The following CPZ variants were observed in gnomAD, a reference collection of about 807,000 sequenced individuals.
CPZ encodes the protein VEZT/CPZ fusion.
Under a neutral mutation model 61.8 loss-of-function variants are expected in CPZ, and 103 were observed. The observed-to-expected ratio is 1.67, with a 90% CI of 1.42 to 1.96. The LOEUF (loss-of-function observed/expected upper bound fraction) is 1.96, where lower values mean the gene tolerates loss of function less well. Among genes scored for constraint, CPZ ranks in the 30% most tolerant of loss-of-function variants. The pLI, the probability that CPZ is intolerant of heterozygous loss-of-function variation, is 0.00. For synonymous variants in CPZ, 551 were observed against 373.7 expected, an observed-to-expected ratio of 1.47 and a Z score of -5.47; for missense variants, 1,461 against 914.9, an observed-to-expected ratio of 1.60 and a Z score of -7.70.
chr4:8,611,275 T>C, intron 7 of CPZ: 1 of 456,228 alleles, frequency 2.2e-6, no homozygotes, highest in Non-Finnish European at 4.4e-6. Flanking sequence ...CCAAGGTCAG[T>C]CTGGGACTTA....
At chr4:8,611,257 G>A (rs1346268291) in intron 7 of CPZ, 1 of 456,174 alleles carries the variant, frequency 2.2e-6, no homozygotes, top group East Asian at 6.9e-5. Flanking sequence ...CCCACCAGGA[G>A]CCTCTGCCCA....
intron 9 of CPZ, among the ~76,000 whole-genome samples, chr4:8,615,021 G>T (rs116134479): frequency 6.6e-6 from 1 of 152,088 alleles, no homozygotes; most frequent in Non-Finnish European, 1.5e-5. Flanking sequence ...TGTGCTCCAG[G>T]AGGCGCAGAA....
chr4:8,615,817 C>T (rs1464640873), intron 9 of CPZ, among the ~76,000 whole-genome samples: 2 of 152,190 alleles, frequency 1.3e-5, no homozygotes, highest in Non-Finnish European at 2.9e-5. Context: ...AACCTTCCTC[C>T]AAGTAAGAAT....
rs759121729 is a variant in CPZ, at chr4:8,604,086, C to T, written c.607C>T (p.Arg203Cys). 42 of 1,609,268 alleles carry T rather than the reference C, an allele frequency of 2.6e-5. No homozygotes were observed. Among genetic ancestry groups the T allele is most frequent in the Admixed American group, 6.7e-5 (4 of 59,800 alleles). The change falls in exon 4 of 11, where the codon CGC becomes TGC. Residue 203 changes from arginine to cysteine, a missense_variant. Arg to Cys is a radical substitution (Grantham distance 180). Transcript: ENST00000360986. ...MVRVLRRTAS[R>C]CAHVARTYSI... is the part of the protein sequence containing the mutation. ...GCGTGTGCTGAGGCGGACGGCCTCC[C>T]GCTGCGCCCACGTGGCCAGGACCTA...
intron 2 of CPZ, among the ~76,000 whole-genome samples, chr4:8,600,350 C>CAAAA (rs895182182): frequency 6.6e-6 from 1 of 152,262 alleles, no homozygotes; most frequent in African/African-American, 2.4e-5. Context: ...TGAGACGTGG[C>CAAAA]AAAATGTCAT....
intron 9 of CPZ, among the ~76,000 whole-genome samples, chr4:8,616,740 C>T (rs546825241): frequency 6.6e-6 from 1 of 152,230 alleles, no homozygotes; most frequent in African/African-American, 2.4e-5. Context: ...AGTTTCTCTT[C>T]ATCACCTCTC....
In CPZ at chr4:8,600,986, C is replaced by G. The variant is rs908087906; in HGVS notation, c.122-137C>G. On this transcript the variant is annotated intron_variant, in intron 2 of 10. Coordinates refer to ENST00000360986, the MANE Select transcript of CPZ (RefSeq NM_001014447.3). ...TGATTCCTGCACAGTAGCTGTTGTCCTGGTCCTCCCCTGCCAGACCGTGGG... is the reference window on the plus strand; with the variant it reads ...TGATTCCTGCACAGTAGCTGTTGTCGTGGTCCTCCCCTGCCAGACCGTGGG... 2.7e-5 allele frequency: 38 copies of G among 1,415,676 alleles called. No individual in the cohort carries two copies. The African/African-American group carries it at 4.6e-4, about 17-fold the overall frequency. 87.7% of individuals were successfully genotyped at this position (1,415,676 alleles called of 1,614,324 possible). A position where few individuals can be genotyped will look rare whatever the true frequency, so the allele number is the denominator to read the frequency against.
intron 1 of CPZ, among the ~76,000 whole-genome samples, chr4:8,596,026 GCC>G (rs1714149552): frequency 1.6e-5 from 1 of 62,478 alleles, no homozygotes; most frequent in Non-Finnish European, 3.2e-5. Flanking sequence ...CAGACTTCCA[GCC>G]TTCCAGCCTC....
At chr4:8,601,650 TC>T in intron 3 of CPZ, 153 bp downstream of exon 3, 1 of 851,322 alleles carries the variant, frequency 1.2e-6, no homozygotes, top group Non-Finnish European at 1.7e-6. Context: ...GGCAGCATGT[TC>T]CCCACAAAAG....
chr4:8,611,974 C>A lies in CPZ; in HGVS notation c.1228-53C>A. The stretch of plus-strand genomic sequence containing the variant: ...TCCTCCCCTCATTGACCCCAGCTCA[C>A]AGGACGTCCTGCAGGGGACCCTTTC... On this transcript the variant is annotated intron_variant, in intron 7 of 10. Transcript: ENST00000360986. 9 of 1,611,960 alleles carry A rather than the reference C, an allele frequency of 5.6e-6. 1 individual carries two copies. The South Asian group carries it at 8.8e-5, about 16-fold the overall frequency.
chr4:8,601,642 C>A, intron 3 of CPZ, 145 bp downstream of exon 3: 1 of 886,796 alleles, frequency 1.1e-6, no homozygotes, highest in Non-Finnish European at 1.6e-6. Flanking sequence ...CTCCCCGAGG[C>A]AGCATGTTCC....
At chr4:8,598,497 T>C (rs1217704867) in intron 1 of CPZ, among the ~76,000 whole-genome samples, 1 of 152,220 alleles carries the variant, frequency 6.6e-6, no homozygotes. Context: ...TCCAGCCTGC[T>C]TGCCCCCTTC....
At chr4:8,604,724 C>T (rs1271659852) in intron 4 of CPZ, among the ~76,000 whole-genome samples, 1 of 152,214 alleles carries the variant, frequency 6.6e-6, no homozygotes. Context: ...CTCAAGTGAT[C>T]CGCCCAGCTC....
At chr4:8,610,373 C>T (rs1257106102) in intron 7 of CPZ, among the ~76,000 whole-genome samples, 2 of 152,160 alleles carry the variant, frequency 1.3e-5, no homozygotes, top group African/African-American at 2.4e-5. Context: ...TGGTCGGCAG[C>T]CACCTTCCAT....
chr4:8,608,582 A>G (rs1304612258), intron 7 of CPZ, among the ~76,000 whole-genome samples: 1 of 151,194 alleles, frequency 6.6e-6, no homozygotes, highest in South Asian at 2.1e-4. Flanking sequence ...AGGGTGGGAA[A>G]TGGAGCCAGA....
intron 2 of CPZ, 165 bp from the exon 3 acceptor site, chr4:8,600,958 C>G (rs908728078): frequency 1.5e-6 from 2 of 1,375,736 alleles, no homozygotes; most frequent in Admixed American, 3.3e-5. Flanking sequence ...CTCTCACAGG[C>G]TCTGATTCCT....
At chr4:8,595,784 A>G (rs951174023) in intron 1 of CPZ, among the ~76,000 whole-genome samples, 6 of 152,314 alleles carry the variant, frequency 3.9e-5, no homozygotes, top group Non-Finnish European at 8.8e-5. Context: ...TCTGATTCAG[A>G]TGAGGCCTCA....
rs185483218 is a variant in CPZ, at chr4:8,618,966, C to T, written c.1604-296C>T. On this transcript the variant is annotated intron_variant, in intron 10 of 10. Coordinates refer to ENST00000360986, the MANE Select transcript of CPZ (RefSeq NM_001014447.3). ...GTATGCTGTGATATGTGTTACCTGG[C>T]AGAGATGTGGTCCAGAGAAGAGGGG... Among the ~76,000 whole-genome samples the T allele has an allele frequency of 2.4e-3, 364 of 150,420 alleles. 4 individuals are homozygous for T. The highest frequency in any genetic ancestry group is 8.6e-3 in the African/African-American group (351 of 40,822).
chr4:8,607,845 C>CG (rs1025044235), intron 7 of CPZ, among the ~76,000 whole-genome samples: 3 of 152,174 alleles, frequency 2.0e-5, no homozygotes, highest in Non-Finnish European at 2.9e-5. Flanking sequence ...TCCTGCTTCC[C>CG]GGGGGTCGTG....
Sources: gnomAD v4.1 joint callset for allele counts (sites outside exome capture counted in the v4.1 genomes callset) on GRCh38, gnomAD v4.1.1 for gene constraint, MANE v1.5 for transcripts, NCBI Gene and HGNC (gene_info 2026-07-23, HGNC 2026-07-21) for gene names.